Variants in TMPRSS3 observed in about 807,000 individuals in gnomAD.
TMPRSS3 encodes transmembrane serine protease 3, also known as transmembrane protease serine 3.
Under a neutral mutation model 59.6 loss-of-function variants are expected in TMPRSS3, and 55 were observed. That is an observed-to-expected ratio of 0.92 (90% CI 0.74 to 1.16). The LOEUF is 1.16. Ranked by LOEUF, TMPRSS3 falls within the 50% of genes most tolerant of loss-of-function variation. The probability of loss-of-function intolerance (pLI) is 0.00; values close to 1 mark genes in which losing one functional copy is unlikely to be tolerated. For missense variants in TMPRSS3, 596 were observed against 579.4 expected (o/e 1.03, Z -0.29); for synonymous variants, 257 against 237.7 (o/e 1.08, Z -0.75).
chr21:42,375,343 G>A (rs1323955450), intron 12 of TMPRSS3, among the ~76,000 whole-genome samples: 3 of 148,032 alleles, frequency 2.0e-5, no homozygotes, highest in Non-Finnish European at 3.0e-5. Flanking sequence ...GTCCTCTCCC[G>A]CACTGTCTCA....
chr21:42,382,340 G>A (rs1226663011), intron 8 of TMPRSS3, 106 bp from the exon 9 acceptor site: 3 of 992,034 alleles, frequency 3.0e-6, no homozygotes, highest in African/African-American at 3.2e-5. Flanking sequence ...GAGGTTATCA[G>A]GCAAGATGTG....
rs557129547 is a variant in TMPRSS3 at position 42,375,622 on chromosome 21, G to A, written c.1344+94C>T. On this transcript the variant is annotated intron_variant, in intron 12 of 12. Coordinates refer to ENST00000644384, the MANE Select transcript of TMPRSS3 (RefSeq NM_001256317.3). ...GCTGAATTGACAACCACTGGGTCACGCCCTGGTTTTTATAGCAAGACCAGG... is the reference window on the plus strand; with the variant it reads ...GCTGAATTGACAACCACTGGGTCACACCCTGGTTTTTATAGCAAGACCAGG... 5.1e-5 allele frequency: 77 copies of A among 1,523,496 alleles called. 2 individuals carry two copies. The highest frequency in any genetic ancestry group is 3.6e-4 in the African/African-American group (26 of 73,064). The allele number at this position is 1,523,496 out of a possible 1,614,324, so 94.4% of individuals were successfully genotyped here.
chr21:42,392,676 C>T (rs1402155855), intron 2 of TMPRSS3, among the ~76,000 whole-genome samples: 2 of 152,194 alleles, frequency 1.3e-5, no homozygotes, highest in Non-Finnish European at 2.9e-5. Context: ...TCTCTCCACC[C>T]TCACACCTCG....
chr21:42,392,167 T>G (rs147694650), intron 2 of TMPRSS3, among the ~76,000 whole-genome samples: 1 of 152,214 alleles, frequency 6.6e-6, no homozygotes, highest in African/African-American at 2.4e-5. Context: ...AGCTCTGTCA[T>G]GGAAGAGCTA....
At position 42,375,773 on chromosome 21, in the gene TMPRSS3, C is replaced by T; in HGVS notation, c.1287G>A (p.Lys429=). 6.2e-7 allele frequency: 1 copy of T among 1,613,792 alleles called. No individual in the cohort carries two copies. Among genetic ancestry groups the T allele is most frequent in the Non-Finnish European group, 8.5e-7 (1 of 1,180,032 alleles). Residue 429 remains lysine (K), a synonymous_variant, in exon 12 of 13, where the codon AAG becomes AAA. Transcript: ENST00000644384. ...SFGIGCAEVN[K]PGVYTRVTSF... is the part of the protein sequence containing the mutation. ...AGGTGACACGGGTGTACACCCCAGG[C>T]TTGTTCACCTCTGCGCAGCCGATGC...
At chr21:42,375,447 C>T (rs536960369) in intron 12 of TMPRSS3, among the ~76,000 whole-genome samples, 121 of 151,950 alleles carry the variant, frequency 8.0e-4, no homozygotes, top group African/African-American at 2.8e-3. Flanking sequence ...TCGCTGCCTC[C>T]TCCTTTCCCA....
intron 10 of TMPRSS3, among the ~76,000 whole-genome samples, chr21:42,379,306 G>T (rs1178357151): frequency 2.0e-5 from 3 of 152,040 alleles, no homozygotes; most frequent in Non-Finnish European, 4.4e-5. Context: ...GGGATTACAG[G>T]TGCATGCCAC....
intron 1 of TMPRSS3, 37 bp from the exon 2 acceptor site, chr21:42,395,505 A>T (rs1469286923): frequency 1.7e-6 from 2 of 1,150,348 alleles, no homozygotes; most frequent in Admixed American, 3.7e-5. Context: ...TTGTTCCCCT[A>T]TTTATACTTG....
chr21:42,385,071 CCCTT>C (rs1201869937), intron 6 of TMPRSS3, among the ~76,000 whole-genome samples: 1 of 49,978 alleles, frequency 2.0e-5, no homozygotes, highest in Non-Finnish European at 3.4e-5. Flanking sequence ...CTCCCTCCCT[CCCTT>C]CCTCTTTTCC....
At chr21:42,385,595 C>G (rs544424608) in intron 5 of TMPRSS3, 61 bp from the exon 6 acceptor site, 3 of 1,601,614 alleles carry the variant, frequency 1.9e-6, no homozygotes, top group Admixed American at 3.3e-5. Flanking sequence ...AGCATTCAAC[C>G]GATGTGCGAG....
intron 6 of TMPRSS3, among the ~76,000 whole-genome samples, chr21:42,384,420 T>A (rs1333446724): frequency 6.6e-6 from 1 of 152,182 alleles, no homozygotes; most frequent in African/African-American, 2.4e-5. Flanking sequence ...GGACTCCTTG[T>A]AGCCTGGGTT....
chr21:42,383,354 A>G (rs2052568966), intron 7 of TMPRSS3, 156 bp from the exon 8 acceptor site: 1 of 786,448 alleles, frequency 1.3e-6, no homozygotes, highest in Admixed American at 2.2e-5. Context: ...GGGGGAGCTC[A>G]GCAGGGGAGG....
chr21:42,388,979 C>T lies in TMPRSS3; in HGVS notation c.272G>A (p.Arg91Gln), dbSNP rs397517373. Residue 91 changes from arginine to glutamine, a missense_variant, in exon 4 of 13, where the codon CGA (arginine) becomes CAA (glutamine). By Grantham distance (43) the Arg-to-Gln change is conservative. Coordinates refer to ENST00000644384, the MANE Select transcript of TMPRSS3 (RefSeq NM_001256317.3). This position sits in a 1 kb window ranked among gnomAD's most constrained non-coding sequence, Gnocchi z 5.1. ...TTTGCAATCCGAGACTCCGTCACAT[C>T]GAGCTATCAGCTCGATACACTTAAA... ...SSFKCIELIA[R>Q]CDGVSDCKDG... 1.1e-5 allele frequency: 18 copies of T among 1,614,208 alleles called. No homozygotes were observed. The highest frequency in any genetic ancestry group is 2.2e-5 in the South Asian group (2 of 91,086).
In TMPRSS3 at chr21:42,388,449, T is replaced by C; in HGVS notation, c.400A>G (p.Lys134Glu). ...CAGGCAACATTTGCGTAGTGACCCT[T>C]CCAGTCATCGGAGCACATGGTCTTC... ...SWKTMCSDDW[K>E]GHYANVACAQ... Residue 134 changes from lysine to glutamate, a missense_variant, in exon 5 of 13, where the codon AAG (lysine) becomes GAG (glutamate). By Grantham distance (56) the Lys-to-Glu change is moderately conservative (BLOSUM62 1). Transcript: ENST00000644384. The surrounding 1 kb of genome is among the most constrained non-coding windows in gnomAD (Gnocchi z 5.1). The C allele has an allele frequency of 1.2e-6, 2 of 1,614,236 alleles. No individual in the cohort carries two copies. The highest frequency in any genetic ancestry group is 1.1e-5 in the South Asian group (1 of 91,086).
At position 42,372,691 on chromosome 21, in the gene TMPRSS3, G is replaced by C. The variant is rs765583795; in HGVS notation, c.*71C>G. On this transcript the variant is annotated 3_prime_UTR_variant, in exon 13 of 13. Coordinates refer to ENST00000644384, the MANE Select transcript of TMPRSS3 (RefSeq NM_001256317.3). ...TCTGCTCGTGTGCAGGTTCCTACAC[G>C]GGAGTCCAGGGGAGGATCGGGCTGT... The C allele has an allele frequency of 3.2e-6, 5 of 1,540,128 alleles. No individual in the cohort carries two copies. The highest frequency in any genetic ancestry group is 4.5e-6 in the Non-Finnish European group (5 of 1,112,780).
chr21:42,376,509 C>T (rs767202382), intron 11 of TMPRSS3, 32 bp downstream of exon 11: 3 of 1,611,368 alleles, frequency 1.9e-6, no homozygotes, highest in Non-Finnish European at 2.5e-6. Context: ...GGTCACCCTG[C>T]CACGGCCTCG....
At chr21:42,392,928 G>A (rs931480076) in intron 2 of TMPRSS3, among the ~76,000 whole-genome samples, 6 of 152,224 alleles carry the variant, frequency 3.9e-5, no homozygotes, top group East Asian at 1.9e-4. Context: ...GGGGCCCCAC[G>A]CCTCCTCTGT....
In TMPRSS3 at chr21:42,389,985, A is replaced by G; in HGVS notation, c.147T>C (p.Phe49=). ...QILSLLPLKF[F]PIIVIGIIAL... is the part of the protein sequence containing the mutation. ...CAATGATCCCAATGACGATGATTGGAAAAAACTTCAATGGCAGCAGTGACA... is the reference window on the plus strand; with the variant it reads ...CAATGATCCCAATGACGATGATTGGGAAAAACTTCAATGGCAGCAGTGACA... Residue 49 remains phenylalanine, a synonymous_variant, in exon 3 of 13, where the codon TTT becomes TTC. Transcript: ENST00000644384. The G allele has an allele frequency of 6.2e-7, 1 of 1,614,206 alleles. No individual in the cohort carries two copies. The highest frequency in any genetic ancestry group is 8.5e-7 in the Non-Finnish European group (1 of 1,179,992).
intron 2 of TMPRSS3, 108 bp downstream of exon 2, chr21:42,395,216 G>T: frequency 2.1e-6 from 2 of 931,050 alleles, no homozygotes; most frequent in Non-Finnish European, 3.5e-6. Flanking sequence ...GCCTGTGGGT[G>T]TCAGAATGGC....
Sources: allele counts gnomAD v4.1 joint callset (sites outside exome capture counted in the v4.1 genomes callset), GRCh38; gene constraint gnomAD v4.1.1; non-coding constraint Gnocchi (gnomAD v3.1); transcripts MANE v1.5; gene names NCBI Gene and HGNC (gene_info 2026-07-23, HGNC 2026-07-21).